The following SND1 variants were observed in gnomAD, a reference collection of about 807,000 sequenced individuals.
The protein encoded by SND1 is staphylococcal nuclease domain-containing protein 1.
A neutral mutation model predicts 121.7 loss-of-function variants in SND1; 38 were observed. That is an observed-to-expected ratio of 0.31 (90% CI 0.24 to 0.41). The LOEUF (loss-of-function observed/expected upper bound fraction) is 0.41, where lower values mean the gene tolerates loss of function less well. Among genes scored for constraint, SND1 ranks in the 10% least tolerant of loss-of-function variants. The pLI is 1.00. For missense variants in SND1, 868 were observed against 1,184.6 expected (o/e 0.73, Z 3.92); for synonymous variants, 401 against 447.4 (o/e 0.90, Z 1.31).
At chr7:127,707,954 A>G (rs968880140) in intron 9 of SND1, among the ~76,000 whole-genome samples, 6 of 152,288 alleles carry the variant, frequency 3.9e-5, no homozygotes, top group South Asian at 4.1e-4. Context: ...AAGATTTCCT[A>G]TGTCCAAGTA....
chr7:127,978,048 T>C (rs1222990660), intron 15 of SND1, among the ~76,000 whole-genome samples: 4 of 152,062 alleles, frequency 2.6e-5, no homozygotes, highest in African/African-American at 9.7e-5. Flanking sequence ...GTTTGGCAAT[T>C]GGGTATAGAG....
At position 127,684,215 on chromosome 7, in the gene SND1, G is replaced by A. The variant is rs186667710; in HGVS notation, c.79-2398G>A. Reference sequence around the variant, plus strand: ...TGCTTGCTTATCAGAGTTCACCTTCGTCAGAGAGGATGAGTTTTCTTGTAA... The same window carrying A: ...TGCTTGCTTATCAGAGTTCACCTTCATCAGAGAGGATGAGTTTTCTTGTAA... On this transcript the variant is annotated intron_variant, in intron 1 of 23. Coordinates refer to ENST00000354725, the MANE Select transcript of SND1 (RefSeq NM_014390.4). Among the ~76,000 whole-genome samples the A allele has an allele frequency of 2.2e-4, 33 of 152,332 alleles. No homozygotes were observed. The East Asian group carries it at 3.9e-3, about 18-fold the overall frequency.
chr7:127,984,838 A>C lies in SND1; in HGVS notation c.1670-6109A>C, dbSNP rs561119197. 9.1e-4 allele frequency among the ~76,000 whole-genome samples: 139 copies of C among 152,312 alleles called. 1 individual carries two copies. The Middle Eastern group carries it at 0.014, about 15-fold the overall frequency. On this transcript the variant is annotated intron_variant, in intron 15 of 23. Transcript: ENST00000354725. The stretch of plus-strand genomic sequence containing the variant: ...CAGGTGTCACAGATCCTGGAACCTG[A>C]GGTGATTCTGAGTCTGAGACTGCTC...
chr7:128,060,879 C>G (rs2117033845), intron 16 of SND1, among the ~76,000 whole-genome samples: 1 of 152,308 alleles, frequency 6.6e-6, no homozygotes, highest in South Asian at 2.1e-4. Context: ...TCTGGGACAT[C>G]TTAGCAAGAG....
At chr7:127,823,216 C>A (rs1798581297) in intron 11 of SND1, among the ~76,000 whole-genome samples, 1 of 152,138 alleles carries the variant, frequency 6.6e-6, no homozygotes, top group Admixed American at 6.5e-5. Context: ...TTCCCTTAAA[C>A]CCCCACACCT....
intron 1 of SND1, among the ~76,000 whole-genome samples, chr7:127,657,608 T>C (rs1297906698): frequency 6.6e-6 from 1 of 152,178 alleles, no homozygotes. Flanking sequence ...TCCTCCTGCC[T>C]CAGCCTCCTC....
At chr7:128,031,045 G>A (rs1792576549) in intron 16 of SND1, 1 of 144,790 alleles carries the variant, frequency 6.9e-6, no homozygotes, top group South Asian at 2.3e-4. Flanking sequence ...GGGGAGGGCA[G>A]AGGGGAGGGG....
chr7:127,875,434 A>G (rs1334345598), intron 12 of SND1, among the ~76,000 whole-genome samples: 1 of 152,140 alleles, frequency 6.6e-6, no homozygotes, highest in African/African-American at 2.4e-5. Flanking sequence ...GTTGGTGGCT[A>G]AGGAGTAGCC....
chr7:127,854,538 CTATTTATTTATTTATT>C (rs59447282), intron 12 of SND1, among the ~76,000 whole-genome samples: 437 of 145,434 alleles, frequency 3.0e-3, no homozygotes, highest in South Asian at 8.2e-3. Flanking sequence ...TACTAGCATT[CTATTTATTTATTTATT>C]TATTTATTTA....
chr7:127,780,068 G>C (rs1208378383), intron 10 of SND1, among the ~76,000 whole-genome samples: 1 of 152,178 alleles, frequency 6.6e-6, no homozygotes, highest in Non-Finnish European at 1.5e-5. Flanking sequence ...TGTATCCTCA[G>C]CATGCAGATG....
chr7:127,802,629 A>G (rs952460417), intron 10 of SND1, among the ~76,000 whole-genome samples: 3 of 152,162 alleles, frequency 2.0e-5, no homozygotes, highest in Non-Finnish European at 4.4e-5. Context: ...TTTTAATGTT[A>G]GAAGATACTA....
At chr7:127,930,082 C>G (rs555702400) in intron 15 of SND1, among the ~76,000 whole-genome samples, 11 of 152,320 alleles carry the variant, frequency 7.2e-5, no homozygotes, top group African/African-American at 2.4e-4. Flanking sequence ...TGGTACTTCA[C>G]AGAGACTGCA....
chr7:127,697,158 AC>A (rs1796018820), intron 3 of SND1, among the ~76,000 whole-genome samples: 1 of 152,180 alleles, frequency 6.6e-6, no homozygotes, highest in South Asian at 2.1e-4. Flanking sequence ...CAATATAATC[AC>A]CCACCTGCTC....
In SND1 at chr7:127,887,905, C is replaced by T; in HGVS notation, c.1347C>T (p.Asn449=). The T allele has an allele frequency of 6.2e-7, 1 of 1,610,190 alleles. No individual in the cohort carries two copies. The highest frequency in any genetic ancestry group is 1.1e-5 in the South Asian group (1 of 90,960). Reference sequence around the variant, plus strand: ...TGACCTATCTTTTCTGTTGCAGAAACATTGCTGAGGCTCTTGTCAGCAAAG... The same window carrying T: ...TGACCTATCTTTTCTGTTGCAGAAATATTGCTGAGGCTCTTGTCAGCAAAG... The part of the protein sequence containing the change: ...TCATVTIGGI[N]IAEALVSKGL... The change falls in exon 13 of 24, where the codon AAC becomes AAT. Residue 449 remains asparagine, a synonymous_variant. Transcript: ENST00000354725.
chr7:127,937,820 A>C (rs1298461910), intron 15 of SND1, among the ~76,000 whole-genome samples: 2 of 152,232 alleles, frequency 1.3e-5, no homozygotes, highest in African/African-American at 2.4e-5. Flanking sequence ...ATCCCCATTG[A>C]TTACCAGTGC....
chr7:127,733,627 G>A (rs1333529001), intron 10 of SND1, among the ~76,000 whole-genome samples: 2 of 152,196 alleles, frequency 1.3e-5, no homozygotes, highest in East Asian at 3.8e-4. Flanking sequence ...AAATATGGCT[G>A]CCCAACATTA....
intron 16 of SND1, among the ~76,000 whole-genome samples, chr7:128,069,579 C>T (rs929529039): frequency 6.6e-6 from 1 of 152,178 alleles, no homozygotes; most frequent in Admixed American, 6.5e-5. Flanking sequence ...CCCCATGGAG[C>T]TGACAGTCTA....
At chr7:127,731,169 G>C (rs937133805) in intron 10 of SND1, among the ~76,000 whole-genome samples, 1 of 152,228 alleles carries the variant, frequency 6.6e-6, no homozygotes, top group Admixed American at 6.5e-5. Flanking sequence ...ATGGGTGGGG[G>C]CACTGCCCGC....
intron 1 of SND1, among the ~76,000 whole-genome samples, chr7:127,678,556 GA>G (rs5887351): frequency 1.3e-5 from 2 of 151,618 alleles, no homozygotes; most frequent in East Asian, 3.9e-4. Context: ...TTCTTGCCAG[GA>G]AAAAAACCAA....
Sources: allele counts gnomAD v4.1 joint callset (sites outside exome capture counted in the v4.1 genomes callset), GRCh38; gene constraint gnomAD v4.1.1; transcripts MANE v1.5; gene names NCBI Gene and HGNC (gene_info 2026-07-23, HGNC 2026-07-21).